Variants in ASH1L observed in about 807,000 individuals in gnomAD.
ASH1L encodes ASH1 like histone lysine methyltransferase.
A neutral mutation model predicts 269.0 loss-of-function variants in ASH1L; 23 were observed. That is an observed-to-expected ratio of 0.09 (90% CI 0.06 to 0.12). The LOEUF (loss-of-function observed/expected upper bound fraction) is 0.12, where lower values mean the gene tolerates loss of function less well. ASH1L is among the 10% of genes least tolerant of loss of function. The pLI is 1.00. For synonymous variants in ASH1L, 1,187 were observed against 1,253.5 expected, an observed-to-expected ratio of 0.95 and a Z score of 1.12; for missense variants, 2,912 against 3,567.8, an observed-to-expected ratio of 0.82 and a Z score of 4.68.
chr1:155,477,774 T>C (rs1665666669), intron 3 of ASH1L, 112 bp downstream of exon 3: 2 of 1,040,758 alleles, frequency 1.9e-6, no homozygotes, highest in Non-Finnish European at 1.3e-6. Context: ...AATACACTTA[T>C]TAAAAAACAA....
chr1:155,396,802 A>G (rs1658380538), intron 6 of ASH1L: 1 of 151,406 alleles, frequency 6.6e-6, no homozygotes, highest in Non-Finnish European at 1.5e-5. Flanking sequence ...TCTCTACTAA[A>G]AATACAAAAA....
intron 4 of ASH1L, among the ~76,000 whole-genome samples, chr1:155,453,169 A>C (rs887588979): frequency 6.6e-6 from 1 of 151,678 alleles, no homozygotes; most frequent in Non-Finnish European, 1.5e-5. Flanking sequence ...AGCCTGGCTA[A>C]CATGGCAAAA....
intron 1 of ASH1L, among the ~76,000 whole-genome samples, chr1:155,542,013 C>T (rs1458669357): frequency 6.6e-6 from 1 of 152,100 alleles, no homozygotes; most frequent in Non-Finnish European, 1.5e-5. Flanking sequence ...AAAAATTATA[C>T]TCAGACTGCC....
intron 7 of ASH1L, among the ~76,000 whole-genome samples, chr1:155,389,728 A>G (rs767586462): frequency 3.9e-4 from 60 of 152,300 alleles, no homozygotes; most frequent in Non-Finnish European, 2.5e-4. Context: ...TTTTCTTTTC[A>G]ATAGATATGT....
At chr1:155,426,392 G>A (rs1212378111) in intron 5 of ASH1L, among the ~76,000 whole-genome samples, 2 of 151,904 alleles carry the variant, frequency 1.3e-5, no homozygotes, top group Admixed American at 6.6e-5. Flanking sequence ...TAGTAGAGAC[G>A]GGGTTTCACC....
At position 155,404,815 on chromosome 1, in the gene ASH1L, G is replaced by A. The variant is rs187528389; in HGVS notation, c.6009-9262C>T. 3.3e-3 allele frequency among the ~76,000 whole-genome samples: 497 copies of A among 151,840 alleles called. 2 individuals are homozygous for A. The highest frequency in any genetic ancestry group is 0.01 in the Middle Eastern group (3 of 294). ...GAGGCTGAGGCAGGCGGATCACGAG[G>A]TCAAGAGATCGAGACCGTCCTGGCC... On this transcript the variant is annotated intron_variant, in intron 6 of 27. Coordinates refer to ENST00000392403, the MANE Select transcript of ASH1L (RefSeq NM_018489.3).
At chr1:155,410,882 A>G (rs1372239400) in intron 6 of ASH1L, among the ~76,000 whole-genome samples, 1 of 152,084 alleles carries the variant, frequency 6.6e-6, no homozygotes, top group African/African-American at 2.4e-5. Flanking sequence ...CTGGGATTAC[A>G]GGCGTGAGCA....
At chr1:155,502,170 A>G (rs1667557200) in intron 2 of ASH1L, among the ~76,000 whole-genome samples, 1 of 149,094 alleles carries the variant, frequency 6.7e-6, no homozygotes, top group Admixed American at 6.8e-5. Flanking sequence ...TCCCGGGTTC[A>G]AGCAACTCTT....
intron 16 of ASH1L, among the ~76,000 whole-genome samples, chr1:155,354,063 T>A (rs1654151888): frequency 6.6e-6 from 1 of 152,252 alleles, no homozygotes; most frequent in South Asian, 2.1e-4. Context: ...CATATTTGGA[T>A]CATAACTTTT....
rs1343480608 is a variant in ASH1L at position 155,444,155 on chromosome 1, T to C, written c.5087-5087A>G. ...CCTGCCACCATGCCTGGCTAATTTT[T>C]GTTTTTAGTAGAGATAGAATTTCAC... On this transcript the variant is annotated intron_variant, in intron 4 of 27. Coordinates refer to ENST00000392403, the MANE Select transcript of ASH1L (RefSeq NM_018489.3). Among the ~76,000 whole-genome samples, 8 of 152,086 alleles carry C rather than the reference T, an allele frequency of 5.3e-5. No individual in the cohort carries two copies. The East Asian group carries it at 1.5e-3, about 29-fold the overall frequency.
intron 2 of ASH1L, among the ~76,000 whole-genome samples, chr1:155,512,694 C>T (rs1210590251): frequency 6.6e-6 from 1 of 151,590 alleles, no homozygotes; most frequent in Non-Finnish European, 1.5e-5. Context: ...TCAAGTGATC[C>T]ACCCGCCTCG....
intron 3 of ASH1L, among the ~76,000 whole-genome samples, chr1:155,471,535 TG>T (rs972372694): frequency 6.6e-6 from 1 of 152,226 alleles, no homozygotes; most frequent in African/African-American, 2.4e-5. Flanking sequence ...GCTTCCAGGT[TG>T]GTGAATATAG....
In ASH1L at chr1:155,374,591, A is replaced by C. The variant is rs377244041; in HGVS notation, c.6333-3608T>G. Among the ~76,000 whole-genome samples, 23 of 152,206 alleles carry C rather than the reference A, an allele frequency of 1.5e-4. No individual in the cohort carries two copies. In the East Asian group the frequency reaches 3.7e-3, roughly 24 times the overall value. ...ACCACCTTTACTCTTCCGTTTGCTG[A>C]CTTCTTTGGTACATGAATATTATTG... On this transcript the variant is annotated intron_variant, in intron 10 of 27. Transcript: ENST00000392403.
chr1:155,542,993 T>C (rs1220107577), intron 1 of ASH1L, among the ~76,000 whole-genome samples: 2 of 151,774 alleles, frequency 1.3e-5, no homozygotes, highest in Non-Finnish European at 2.9e-5. Context: ...TCTTACACCT[T>C]GTTATTACTT....
At chr1:155,546,156 A>AC (rs1360793755) in intron 1 of ASH1L, among the ~76,000 whole-genome samples, 2 of 37,276 alleles carry the variant, frequency 5.4e-5, no homozygotes, top group Admixed American at 4.1e-4. Flanking sequence ...AGATTCCATC[A>AC]CCAAAAAAAA....
At chr1:155,555,375 T>C (rs900234702) in intron 1 of ASH1L, among the ~76,000 whole-genome samples, 3 of 150,802 alleles carry the variant, frequency 2.0e-5, no homozygotes, top group Non-Finnish European at 4.4e-5. Context: ...CTCGCACCTG[T>C]AGTCCAAGCT....
intron 2 of ASH1L, among the ~76,000 whole-genome samples, chr1:155,504,368 A>T (rs1041282493): frequency 6.6e-5 from 10 of 152,200 alleles, no homozygotes; most frequent in Non-Finnish European, 1.5e-4. Flanking sequence ...ACTATTAAAA[A>T]TACGTTGCAA....
intron 5 of ASH1L, chr1:155,433,327 G>A (rs562963842): frequency 7.6e-5 from 121 of 1,586,386 alleles, no homozygotes; most frequent in Admixed American, 6.9e-4. Flanking sequence ...GAATCGGGCC[G>A]GGAGTTGGGT....
At chr1:155,466,770 C>T (rs1459527349) in intron 3 of ASH1L, among the ~76,000 whole-genome samples, 2 of 152,150 alleles carry the variant, frequency 1.3e-5, no homozygotes, top group African/African-American at 4.8e-5. Flanking sequence ...CACCTATAGT[C>T]ACCCCACCCT....
Sources: allele counts gnomAD v4.1 joint callset (sites outside exome capture counted in the v4.1 genomes callset), GRCh38; gene constraint gnomAD v4.1.1; transcripts MANE v1.5; gene names NCBI Gene and HGNC (gene_info 2026-07-23, HGNC 2026-07-21).